Variants in PDE7B observed in about 807,000 individuals in gnomAD.
The protein encoded by PDE7B is phosphodiesterase 7B.
PDE7B carries 29 observed loss-of-function variants against 56.2 expected under a neutral mutation model. The ratio of observed to expected loss-of-function variants is 0.52; its 90% CI spans 0.38 to 0.70. The LOEUF is 0.70. PDE7B is among the 30% of genes least tolerant of loss of function. PDE7B has a pLI of 0.00. For missense variants in PDE7B, 490 were observed against 565.0 expected (o/e 0.87, Z 1.35); for synonymous variants, 197 against 196.9 (o/e 1.00, Z 0.00).
intron 1 of PDE7B, among the ~76,000 whole-genome samples, chr6:135,934,825 A>ATAAATAAATATATATTTATT (rs1333694513): frequency 0.012 from 860 of 68,876 alleles, 32 homozygotes; most frequent in African/African-American, 0.038. Context: ...TATATATTTA[A>ATAAATAAATATATATTTATT]TAAATAAATA....
chr6:135,928,487 T>TTATATATTTA (rs2128196576), intron 1 of PDE7B, among the ~76,000 whole-genome samples: 1 of 85,548 alleles, frequency 1.2e-5, no homozygotes, highest in East Asian at 3.6e-4. Context: ...ATATATTTAT[T>TTATATATTTA]TATATATATA....
intron 2 of PDE7B, among the ~76,000 whole-genome samples, chr6:135,951,782 T>C (rs947145043): frequency 2.0e-5 from 3 of 152,186 alleles, no homozygotes; most frequent in African/African-American, 7.2e-5. Context: ...GTATGATTTC[T>C]TTCATGCTGA....
chr6:135,867,497 T>G (rs546243640), intron 1 of PDE7B, among the ~76,000 whole-genome samples: 9 of 152,242 alleles, frequency 5.9e-5, no homozygotes, highest in African/African-American at 1.9e-4. Context: ...ACGTGTGTCA[T>G]GGGGATTTGC....
intron 1 of PDE7B, among the ~76,000 whole-genome samples, chr6:135,907,419 C>T (rs2128193138): frequency 6.6e-6 from 1 of 152,182 alleles, no homozygotes; most frequent in East Asian, 1.9e-4. Flanking sequence ...CGGATCAGGC[C>T]TCTTCCAGTT....
intron 8 of PDE7B, among the ~76,000 whole-genome samples, chr6:136,156,408 A>G (rs571078356): frequency 4.8e-4 from 73 of 152,252 alleles, no homozygotes; most frequent in Non-Finnish European, 8.8e-4. Flanking sequence ...GCTAGTCTCG[A>G]ACTCCTGGCC....
At chr6:136,063,485 C>T (rs1776879330) in intron 2 of PDE7B, among the ~76,000 whole-genome samples, 1 of 152,208 alleles carries the variant, frequency 6.6e-6, no homozygotes, top group African/African-American at 2.4e-5. Flanking sequence ...CCTCATTTTG[C>T]ACCTAGACTA....
At chr6:136,114,924 C>T (rs192936920) in intron 3 of PDE7B, 2 of 152,296 alleles carry the variant, frequency 1.3e-5, no homozygotes, top group African/African-American at 4.8e-5. Context: ...GCTGCAAGCT[C>T]CCAGCACTTC....
chr6:136,054,373 G>A (rs1776690487), intron 2 of PDE7B, among the ~76,000 whole-genome samples: 1 of 152,106 alleles, frequency 6.6e-6, no homozygotes, highest in Non-Finnish European at 1.5e-5. Context: ...GTAGATATGT[G>A]GCATTATTGC....
chr6:135,955,152 G>A (rs1583793218), intron 2 of PDE7B, among the ~76,000 whole-genome samples: 1 of 152,110 alleles, frequency 6.6e-6, no homozygotes, highest in South Asian at 2.1e-4. Flanking sequence ...TTGTGTGCCA[G>A]AGTAGGGATG....
intron 2 of PDE7B, among the ~76,000 whole-genome samples, chr6:136,076,917 A>T (rs2128214647): frequency 6.6e-6 from 1 of 152,280 alleles, no homozygotes; most frequent in East Asian, 1.9e-4. Context: ...AACTAAGGTT[A>T]TTGACATTTG....
At chr6:135,984,738 A>T (rs1245826176) in intron 2 of PDE7B, among the ~76,000 whole-genome samples, 1 of 152,200 alleles carries the variant, frequency 6.6e-6, no homozygotes, top group Non-Finnish European at 1.5e-5. Context: ...AATTGTGATG[A>T]TAAAACTTCC....
chr6:136,069,997 T>C (rs1169265449), intron 2 of PDE7B, among the ~76,000 whole-genome samples: 1 of 152,164 alleles, frequency 6.6e-6, no homozygotes, highest in Non-Finnish European at 1.5e-5. Context: ...ATTAAACTGA[T>C]AAATATCAAA....
chr6:136,174,549 T>G (rs1322105773), intron 9 of PDE7B, among the ~76,000 whole-genome samples: 3 of 152,144 alleles, frequency 2.0e-5, no homozygotes, highest in Non-Finnish European at 4.4e-5. Context: ...TAATACTGTC[T>G]TCCAAGGCCA....
At chr6:135,869,464 G>A (rs9385746) in intron 1 of PDE7B, among the ~76,000 whole-genome samples, 24,822 of 151,996 alleles carry the variant, frequency 0.16, 3,817 homozygotes, top group African/African-American at 0.4. Context: ...AGTACTTTTA[G>A]GTGAGAGAGC....
chr6:136,093,823 C>G (rs2128216408), intron 2 of PDE7B, among the ~76,000 whole-genome samples: 1 of 152,334 alleles, frequency 6.6e-6, no homozygotes, highest in Admixed American at 6.5e-5. Context: ...AGTGCCCCAA[C>G]AGTCTGCTCT....
chr6:136,127,348 C>T (rs1778040894), intron 3 of PDE7B, among the ~76,000 whole-genome samples: 1 of 152,126 alleles, frequency 6.6e-6, no homozygotes, highest in African/African-American at 2.4e-5. Context: ...CTCATAAATC[C>T]CAATAGCACT....
At chr6:135,896,636 A>C in intron 1 of PDE7B, among the ~76,000 whole-genome samples, 1 of 152,158 alleles carries the variant, frequency 6.6e-6, no homozygotes, top group South Asian at 2.1e-4. Context: ...CCCATTTTAC[A>C]GATGAAAAAA....
intron 4 of PDE7B, among the ~76,000 whole-genome samples, chr6:136,147,712 A>T (rs372877748): frequency 6.0e-4 from 92 of 152,340 alleles, no homozygotes; most frequent in African/African-American, 2.1e-3. Flanking sequence ...AACCATGTTT[A>T]TGTGCTGAAT....
At chr6:135,992,196 G>C (rs1388112184) in intron 2 of PDE7B, among the ~76,000 whole-genome samples, 7 of 140,460 alleles carry the variant, frequency 5.0e-5, no homozygotes, top group African/African-American at 1.6e-4. Flanking sequence ...TAATACTAAT[G>C]ATACCTGATG....
Sources: allele counts gnomAD v4.1 joint callset (sites outside exome capture counted in the v4.1 genomes callset), GRCh38; gene constraint gnomAD v4.1.1; transcripts MANE v1.5; gene names NCBI Gene and HGNC (gene_info 2026-07-23, HGNC 2026-07-21).